KRT86: variants seen among roughly 807,000 people sequenced by gnomAD.
KRT86 encodes the protein keratin 86, also known as keratin, type II cuticular Hb6.
In KRT86, 30 loss-of-function variants were observed where a neutral mutation model predicts 41.2. The observed-to-expected ratio is 0.73, with a 90% CI of 0.54 to 0.99. The LOEUF is 0.99. Ranked by LOEUF, KRT86 falls within the 50% of genes least tolerant of loss-of-function variation. KRT86 has a pLI of 0.00. For missense variants in KRT86, 561 were observed against 571.4 expected (o/e 0.98, Z 0.19); for synonymous variants, 238 against 238.1 (o/e 1.00, Z 0.00).
At chr12:52,282,236 A>T (rs1592417350) in intron 2 of KRT86, among the ~76,000 whole-genome samples, 4 of 145,616 alleles carry the variant, frequency 2.7e-5, no homozygotes, top group Admixed American at 6.8e-5. Context: ...CCCTGAAACA[A>T]TTTTTTTTTT....
rs1938502590 is a variant in KRT86, at chr12:52,305,883, T to G, written c.1026+95T>G. On this transcript the variant is annotated intron_variant, in intron 8 of 10. Coordinates refer to ENST00000423955, the MANE Select transcript of KRT86 (RefSeq NM_001320198.2). ...CCTATCTGGATCTCAGCATTCATTC[T>G]CCAGCCCCTCTGTCCATGTAGAGTC... The G allele has an allele frequency of 4.4e-6, 7 of 1,607,176 alleles. No individual in the cohort carries two copies. In the Admixed American group the frequency reaches 5.0e-5, roughly 12 times the overall value.
At chr12:52,300,276 G>C (rs1938342471) in intron 2 of KRT86, among the ~76,000 whole-genome samples, 1 of 152,162 alleles carries the variant, frequency 6.6e-6, no homozygotes, top group Non-Finnish European at 1.5e-5. Context: ...GGTGCAATCT[G>C]CTATTTTCTG....
At chr12:52,276,647 C>T (rs1171692802) in intron 2 of KRT86, among the ~76,000 whole-genome samples, 1 of 152,186 alleles carries the variant, frequency 6.6e-6, no homozygotes, top group African/African-American at 2.4e-5. Flanking sequence ...ATTTGTGGAA[C>T]TGGGTACTCC....
intron 2 of KRT86, chr12:52,286,458 C>G (rs1441817685): frequency 1.3e-6 from 2 of 1,552,732 alleles, no homozygotes; most frequent in South Asian, 1.2e-5. Context: ...ACGCAGAGGT[C>G]CCCGCACACG....
rs760403544 is a variant in KRT86 at position 52,305,689 on chromosome 12, C to A, written c.927C>A (p.Ile309=). ...GTGAGGAGATGAAGGCCACGGTGAT[C>A]AGGCACGGGGAGACCCTGCGCCGCA... is the stretch of plus-strand genomic sequence containing the variant. ...SKCEEMKATV[I]RHGETLRRTK... The change falls in exon 8 of 11, where the codon ATC becomes ATA. Residue 309 remains isoleucine, a synonymous_variant. Coordinates refer to ENST00000423955, the MANE Select transcript of KRT86 (RefSeq NM_001320198.2). 6.2e-7 allele frequency: 1 copy of A among 1,613,994 alleles called. No individual in the cohort carries two copies.
chr12:52,308,841 T>G lies in KRT86; in HGVS notation c.*256T>G. 2 of 529,506 alleles carry G rather than the reference T, an allele frequency of 3.8e-6. No individual in the cohort carries two copies. 32.8% of individuals were successfully genotyped at this position (529,506 alleles called of 1,614,324 possible). On this transcript the variant is annotated 3_prime_UTR_variant, in exon 11 of 11. Coordinates refer to ENST00000423955, the MANE Select transcript of KRT86 (RefSeq NM_001320198.2). ...GTTGTCCCGAGGATTCATCTTTTTC[T>G]TCCGCCTGCCTTCTGTTTTTTTTGC...
chr12:52,284,642 G>T (rs1937868432), intron 2 of KRT86, among the ~76,000 whole-genome samples: 1 of 152,196 alleles, frequency 6.6e-6, no homozygotes, highest in African/African-American at 2.4e-5. Flanking sequence ...TTTTACAGGA[G>T]AATTTGTTCT....
chr12:52,308,187 C>T (rs1414939727), intron 9 of KRT86, 46 bp from the exon 10 acceptor site: 3 of 1,613,754 alleles, frequency 1.9e-6, no homozygotes, highest in Non-Finnish European at 2.5e-6. Flanking sequence ...CACGGGGGCC[C>T]GGCGCCTTTT....
intron 2 of KRT86, among the ~76,000 whole-genome samples, chr12:52,295,904 G>T (rs1327835767): frequency 1.3e-5 from 2 of 152,098 alleles, no homozygotes; most frequent in Non-Finnish European, 2.9e-5. Context: ...TGGGGGTGGG[G>T]GTGGAGAGGG....
At chr12:52,308,182 G>A in intron 9 of KRT86, 51 bp from the exon 10 acceptor site, 1 of 1,613,576 alleles carries the variant, frequency 6.2e-7, no homozygotes, top group Middle Eastern at 1.7e-4. Flanking sequence ...TCAGTCACGG[G>A]GGCCCGGCGC....
intron 9 of KRT86, 189 bp downstream of exon 9, chr12:52,306,469 A>T (rs1192509073): frequency 2.5e-6 from 2 of 801,158 alleles, no homozygotes; most frequent in African/African-American, 3.5e-5. Context: ...CCAGGCACTG[A>T]TCTGAGATTG....
Position 52,301,884 on chromosome 12 carries a change from C to A in KRT86, c.-4-29C>A, listed in dbSNP as rs56016927. 1.7e-3 allele frequency: 2,675 copies of A among 1,613,800 alleles called. 32 individuals are homozygous for A. The African/African-American group carries it at 0.032, about 19-fold the overall frequency. On this transcript the variant is annotated intron_variant, in intron 2 of 10. Coordinates refer to ENST00000423955, the MANE Select transcript of KRT86 (RefSeq NM_001320198.2). ...GTGCTCTCCATTCGGACGTCTCCAT[C>A]CTCAGAACCTCCTCTCTTCCCCAAA...
intron 2 of KRT86, among the ~76,000 whole-genome samples, chr12:52,294,387 A>G (rs1394743145): frequency 6.6e-6 from 1 of 152,216 alleles, no homozygotes; most frequent in Non-Finnish European, 1.5e-5. Context: ...CCATTTCATT[A>G]AACTTCAGGA....
chr12:52,297,270 T>TC (rs1938272245), intron 2 of KRT86, among the ~76,000 whole-genome samples: 1 of 152,212 alleles, frequency 6.6e-6, no homozygotes, highest in Non-Finnish European at 1.5e-5. Flanking sequence ...TATCTGACAG[T>TC]ATGTATGAAA....
intron 9 of KRT86, among the ~76,000 whole-genome samples, chr12:52,307,868 G>A (rs901379828): frequency 6.6e-6 from 1 of 152,232 alleles, no homozygotes; most frequent in African/African-American, 2.4e-5. Flanking sequence ...CAACTTCGAG[G>A]TAGTGGCAGC....
At chr12:52,302,858 A>C (rs1938417288) in intron 3 of KRT86, among the ~76,000 whole-genome samples, 1 of 139,058 alleles carries the variant, frequency 7.2e-6, no homozygotes, top group Non-Finnish European at 1.6e-5. Context: ...GGGGTCACTC[A>C]ACTCCCCAGG....
chr12:52,307,957 C>T (rs1026226606), intron 9 of KRT86, among the ~76,000 whole-genome samples: 2 of 152,204 alleles, frequency 1.3e-5, no homozygotes, highest in Non-Finnish European at 2.9e-5. Context: ...AAGAGATCTA[C>T]GAAGTAGGTT....
At chr12:52,288,028 C>T (rs1938014028) in intron 2 of KRT86, 1 of 1,614,128 alleles carries the variant, frequency 6.2e-7, no homozygotes, top group Non-Finnish European at 8.5e-7. Context: ...CTGCGGGTGA[C>T]AATGTCGTCA....
chr12:52,291,251 C>T, intron 2 of KRT86: 4 of 1,514,688 alleles, frequency 2.6e-6, no homozygotes, highest in Non-Finnish European at 3.5e-6. Flanking sequence ...GGGACTGGGC[C>T]CGCACACGCC....
Sources: gnomAD v4.1 joint callset for allele counts (sites outside exome capture counted in the v4.1 genomes callset) on GRCh38, gnomAD v4.1.1 for gene constraint, MANE v1.5 for transcripts, NCBI Gene and HGNC (gene_info 2026-07-23, HGNC 2026-07-21) for gene names.